Variants in NIPAL3 observed in about 807,000 individuals in gnomAD.
NIPAL3 encodes NIPA like domain containing 3, also known as NIPA-like protein 3.
A neutral mutation model predicts 47.2 loss-of-function variants in NIPAL3; 41 were observed. The observed-to-expected ratio is 0.87, with a 90% CI of 0.68 to 1.13. The LOEUF is 1.13. NIPAL3 is among the 50% of genes most tolerant of loss of function. The pLI, the probability that NIPAL3 is intolerant of heterozygous loss-of-function variation, is 0.00. For missense variants in NIPAL3, 449 were observed against 530.1 expected (o/e 0.85, Z 1.50); for synonymous variants, 194 against 209.6 (o/e 0.93, Z 0.64).
chr1:24,440,797 T>C (rs1645346591), intron 3 of NIPAL3, among the ~76,000 whole-genome samples: 1 of 152,128 alleles, frequency 6.6e-6, no homozygotes, highest in South Asian at 2.1e-4. Flanking sequence ...TTAATGCCCC[T>C]GGAGGCTGCC....
chr1:24,439,477 A>G (rs1370132503), intron 2 of NIPAL3, among the ~76,000 whole-genome samples: 6 of 152,204 alleles, frequency 3.9e-5, no homozygotes. Flanking sequence ...AAATGTTTAT[A>G]GTCATTATCT....
At chr1:24,442,007 T>C in intron 3 of NIPAL3, 48 bp from the exon 4 acceptor site, 3 of 1,593,418 alleles carry the variant, frequency 1.9e-6, no homozygotes, top group Non-Finnish European at 2.6e-6. Flanking sequence ...TCATAGCATT[T>C]TTTTCCCCAA....
chr1:24,462,343 C>T (rs1349502420), intron 10 of NIPAL3, among the ~76,000 whole-genome samples: 1 of 152,144 alleles, frequency 6.6e-6, no homozygotes, highest in African/African-American at 2.4e-5. Context: ...CAAAATGACT[C>T]GCACATGAGT....
At chr1:24,456,117 G>T (rs199986351) in intron 7 of NIPAL3, 21 bp from the exon 8 acceptor site, 144 of 1,613,604 alleles carry the variant, frequency 8.9e-5, no homozygotes, top group Non-Finnish European at 1.2e-4. Context: ...CTCCCCATTC[G>T]CCCTTGTCTC....
At chr1:24,468,255 C>T (rs561333660) in intron 11 of NIPAL3, among the ~76,000 whole-genome samples, 24 of 152,218 alleles carry the variant, frequency 1.6e-4, no homozygotes, top group Middle Eastern at 3.4e-3. Flanking sequence ...GTTGAGGCTG[C>T]AGTGAGCCAA....
intron 2 of NIPAL3, among the ~76,000 whole-genome samples, chr1:24,425,764 T>C (rs945114098): frequency 6.6e-6 from 1 of 152,180 alleles, no homozygotes; most frequent in Non-Finnish European, 1.5e-5. Context: ...ATACCCATCC[T>C]ATAGGGTAGT....
At chr1:24,458,298 T>G (rs1646316138) in intron 8 of NIPAL3, among the ~76,000 whole-genome samples, 1 of 152,014 alleles carries the variant, frequency 6.6e-6, no homozygotes, top group South Asian at 2.1e-4. Context: ...TAAAAGCAAT[T>G]GAGTGGTGAG....
At chr1:24,424,107 T>C (rs780579238) in intron 2 of NIPAL3, among the ~76,000 whole-genome samples, 1 of 152,194 alleles carries the variant, frequency 6.6e-6, no homozygotes, top group Non-Finnish European at 1.5e-5. Flanking sequence ...ATGGAATATC[T>C]TCATGCCAGA....
intron 7 of NIPAL3, among the ~76,000 whole-genome samples, chr1:24,455,634 T>A (rs1034460520): frequency 6.6e-6 from 1 of 151,484 alleles, no homozygotes; most frequent in Non-Finnish European, 1.5e-5. Context: ...GCCTGGGCAA[T>A]ATAGCGAGAC....
intron 2 of NIPAL3, among the ~76,000 whole-genome samples, chr1:24,436,374 A>G (rs1449171208): frequency 6.6e-6 from 1 of 151,782 alleles, no homozygotes; most frequent in Non-Finnish European, 1.5e-5. Flanking sequence ...TTTGGGATGT[A>G]TGAGGCAAAA....
At position 24,449,465 on chromosome 1, in the gene NIPAL3, C is replaced by T; in HGVS notation, c.395-16C>T. On this transcript the variant is annotated splice_polypyrimidine_tract_variant and intron_variant, in intron 5 of 11. Coordinates refer to ENST00000374399, the MANE Select transcript of NIPAL3 (RefSeq NM_020448.5). The surrounding 1 kb of genome is among the most constrained non-coding windows in gnomAD (Gnocchi z 4.5). Reference sequence around the variant, plus strand: ...TGTTGTTGCAATGAGTCCGTGACAGCCTCTCTTCCCCGCAGGGCGCTACGT... The same window carrying T: ...TGTTGTTGCAATGAGTCCGTGACAGTCTCTCTTCCCCGCAGGGCGCTACGT... The T allele has an allele frequency of 3.1e-6, 5 of 1,612,348 alleles. No homozygotes were observed. Among genetic ancestry groups the T allele is most frequent in the Non-Finnish European group, 4.2e-6 (5 of 1,179,836 alleles).
intron 5 of NIPAL3, among the ~76,000 whole-genome samples, chr1:24,446,770 C>T (rs1262107014): frequency 1.3e-5 from 2 of 152,084 alleles, no homozygotes; most frequent in African/African-American, 4.8e-5. Flanking sequence ...AATTTATGTT[C>T]CTTTGGGTAT....
rs557754087 is a variant in NIPAL3, at chr1:24,447,314, T to A, written c.394+2070T>A. 2.0e-5 allele frequency among the ~76,000 whole-genome samples: 3 copies of A among 152,300 alleles called. No individual in the cohort carries two copies. In the East Asian group the frequency reaches 5.8e-4, roughly 29 times the overall value. ...GCATGGATAGAGAGATGGATAGATT[T>A]GTGAGAAAACAAGTATAATGAAAGG... On this transcript the variant is annotated intron_variant, in intron 5 of 11. Coordinates refer to ENST00000374399, the MANE Select transcript of NIPAL3 (RefSeq NM_020448.5).
intron 2 of NIPAL3, among the ~76,000 whole-genome samples, chr1:24,431,034 C>A (rs186531422): frequency 6.6e-6 from 1 of 152,124 alleles, no homozygotes; most frequent in Admixed American, 6.5e-5. Context: ...TGGAATATAA[C>A]CTAATTAACA....
At chr1:24,430,559 C>G (rs1644833004) in intron 2 of NIPAL3, among the ~76,000 whole-genome samples, 1 of 152,182 alleles carries the variant, frequency 6.6e-6, no homozygotes, top group Non-Finnish European at 1.5e-5. Context: ...TCCAGTATCA[C>G]TAAATTCTTT....
intron 7 of NIPAL3, among the ~76,000 whole-genome samples, chr1:24,455,901 T>C (rs778911208): frequency 4.6e-5 from 7 of 152,152 alleles, no homozygotes; most frequent in Non-Finnish European, 8.8e-5. Flanking sequence ...CTTCAGGGGG[T>C]TGGCTTTCCT....
chr1:24,458,359 A>C (rs1345551726), intron 8 of NIPAL3, among the ~76,000 whole-genome samples: 1 of 152,212 alleles, frequency 6.6e-6, no homozygotes, highest in Non-Finnish European at 1.5e-5. Flanking sequence ...CTTCCAAAAC[A>C]AGGGTATTGT....
rs35529655 is a variant in NIPAL3 at position 24,469,140 on chromosome 1, C to T, written c.1176C>T (p.Ala392=). ...AAGAAGAGCACGGCTCCAGAAGTGC[C>T]TCTGGGGTCCCCTACCGAGTCCTAG... The part of the protein sequence containing the change: ...VMQEEHGSRS[A]SGVPYRVLEH... The change falls in exon 12 of 12, where the codon GCC becomes GCT. Residue 392 remains alanine (A), a synonymous_variant. Transcript: ENST00000374399. 1.3e-3 allele frequency: 2,126 copies of T among 1,614,106 alleles called. 21 individuals are homozygous for T. In the African/African-American group the frequency reaches 0.026, roughly 19 times the overall value.
At chr1:24,446,052 C>A (rs1645642660) in intron 5 of NIPAL3, among the ~76,000 whole-genome samples, 1 of 125,806 alleles carries the variant, frequency 7.9e-6, no homozygotes, top group Admixed American at 8.1e-5. Context: ...GGGGCTTCTG[C>A]TCACAGAGAT....
Sources: gnomAD v4.1 joint callset for allele counts (sites outside exome capture counted in the v4.1 genomes callset) on GRCh38, gnomAD v4.1.1 for gene constraint, Gnocchi (gnomAD v3.1) non-coding constraint, MANE v1.5 for transcripts, NCBI Gene and HGNC (gene_info 2026-07-23, HGNC 2026-07-21) for gene names.